Variants in NAV3 observed in about 807,000 individuals in gnomAD.
NAV3 encodes the protein pore membrane and/or filament interacting like protein 1.
NAV3 carries 87 observed loss-of-function variants against 244.7 expected under a neutral mutation model. That is an observed-to-expected ratio of 0.36 (90% confidence interval 0.30 to 0.42). NAV3 has a LOEUF of 0.42. Ranked by LOEUF, NAV3 falls within the 20% of genes least tolerant of loss-of-function variation. NAV3 has a pLI of 1.00. For synonymous variants in NAV3, 1,126 were observed against 1,042.2 expected (o/e 1.08, Z -1.55); for missense variants, 2,663 against 2,893.3 (o/e 0.92, Z 1.83).
At chr12:77,651,964 C>T (rs757280538) in intron 2 of NAV3, among the ~76,000 whole-genome samples, 1 of 152,024 alleles carries the variant, frequency 6.6e-6, no homozygotes, top group African/African-American at 2.4e-5. Context: ...GTGGGAAAAG[C>T]GGAGCTTTCA....
intron 1 of NAV3, among the ~76,000 whole-genome samples, chr12:77,843,270 C>T (rs1876011829): frequency 6.6e-6 from 1 of 152,048 alleles, no homozygotes; most frequent in Non-Finnish European, 1.5e-5. Flanking sequence ...CTATTGTCTT[C>T]TGATTCCAGC....
At chr12:77,612,156 C>A (rs889808332) in intron 2 of NAV3, among the ~76,000 whole-genome samples, 1 of 151,794 alleles carries the variant, frequency 6.6e-6, no homozygotes, top group African/African-American at 2.4e-5. Context: ...TAAAGTATGG[C>A]ATAATTGTTG....
chr12:78,033,238 C>T (rs770122), intron 9 of NAV3, among the ~76,000 whole-genome samples: 77,694 of 148,466 alleles, frequency 0.52, 20,270 homozygotes, highest in Non-Finnish European at 0.53. Flanking sequence ...TGAAATTGCC[C>T]TTTTTTTTTT....
At chr12:78,036,629 T>G (rs1879930237) in intron 9 of NAV3, 2 of 394,662 alleles carry the variant, frequency 5.1e-6, no homozygotes, top group Non-Finnish European at 9.2e-6. Context: ...CTTTTCTGCT[T>G]CAGATATATT....
intron 2 of NAV3, among the ~76,000 whole-genome samples, chr12:77,606,794 A>G (rs1459784730): frequency 6.6e-6 from 1 of 152,092 alleles, no homozygotes; most frequent in African/African-American, 2.4e-5. Flanking sequence ...CCCTTAAGGG[A>G]GCAAAATGGC....
chr12:77,803,016 C>A (rs1349643127), intron 2 of NAV3, among the ~76,000 whole-genome samples: 1 of 152,136 alleles, frequency 6.6e-6, no homozygotes, highest in African/African-American at 2.4e-5. Flanking sequence ...AAGGGAACAT[C>A]TATTATATGA....
At position 77,998,489 on chromosome 12, in the gene NAV3, T is replaced by A. The variant is rs776718075; in HGVS notation, c.880+13T>A. On this transcript the variant is annotated intron_variant, in intron 7 of 39. Coordinates refer to ENST00000397909, the MANE Select transcript of NAV3 (RefSeq NM_001024383.2). ...GGAAACGAAAAAGGTAAGTGTTTGT[T>A]ACATCATTATGACACAAGTCCAACA... The A allele has an allele frequency of 6.3e-7, 1 of 1,591,296 alleles. No homozygotes were observed. The highest frequency in any genetic ancestry group is 8.5e-7 in the Non-Finnish European group (1 of 1,170,968).
intron 2 of NAV3, among the ~76,000 whole-genome samples, chr12:77,768,273 C>A (rs2135865621): frequency 6.6e-6 from 1 of 152,346 alleles, no homozygotes; most frequent in Middle Eastern, 3.4e-3. Context: ...GAGTGCCAGG[C>A]TACCAGGCTT....
intron 9 of NAV3, among the ~76,000 whole-genome samples, chr12:78,047,015 T>C (rs1157896778): frequency 6.6e-6 from 1 of 152,210 alleles, no homozygotes; most frequent in African/African-American, 2.4e-5. Flanking sequence ...TTATATTTGC[T>C]GGTTTAAAGT....
intron 2 of NAV3, among the ~76,000 whole-genome samples, chr12:77,770,176 T>A (rs201862616): frequency 6.6e-6 from 1 of 152,068 alleles, no homozygotes; most frequent in East Asian, 1.9e-4. Context: ...GTTAAAATCC[T>A]AGGGGGAGTT....
At chr12:77,622,107 A>G (rs986874349) in intron 2 of NAV3, among the ~76,000 whole-genome samples, 26 of 152,240 alleles carry the variant, frequency 1.7e-4, no homozygotes, top group African/African-American at 6.0e-4. Context: ...AGAAAATTGA[A>G]TAGAAAAGGC....
chr12:77,657,583 G>A (rs866327655), intron 2 of NAV3, among the ~76,000 whole-genome samples: 4 of 152,066 alleles, frequency 2.6e-5, no homozygotes, highest in African/African-American at 4.8e-5. Context: ...TAGAAAAAGA[G>A]GGAATCCTCC....
intron 2 of NAV3, among the ~76,000 whole-genome samples, chr12:77,819,623 G>A (rs1466283877): frequency 3.3e-5 from 5 of 151,938 alleles, no homozygotes; most frequent in Admixed American, 2.6e-4. Context: ...AAGCATTGAG[G>A]AGGGGATTAA....
chr12:78,028,549 A>T (rs879752600), intron 9 of NAV3, among the ~76,000 whole-genome samples: 34 of 152,326 alleles, frequency 2.2e-4, no homozygotes, highest in Admixed American at 1.0e-3. Context: ...GGAGTAACTG[A>T]GATTGGATGT....
intron 2 of NAV3, among the ~76,000 whole-genome samples, chr12:77,675,323 G>T (rs1874158544): frequency 6.6e-6 from 1 of 152,150 alleles, no homozygotes; most frequent in Admixed American, 6.6e-5. Flanking sequence ...CAAGTCAACA[G>T]TTCTTAGAGT....
At chr12:78,090,092 G>C (rs1417164060) in intron 12 of NAV3, among the ~76,000 whole-genome samples, 1 of 151,524 alleles carries the variant, frequency 6.6e-6, no homozygotes, top group African/African-American at 2.4e-5. Context: ...CTTATCTCCA[G>C]TATGCCCTGC....
intron 1 of NAV3, among the ~76,000 whole-genome samples, chr12:77,928,126 G>A (rs1888396641): frequency 6.6e-6 from 1 of 151,634 alleles, no homozygotes; most frequent in Non-Finnish European, 1.5e-5. Context: ...GGGAGACTGA[G>A]GGGAGGGAAT....
chr12:77,696,273 G>C (rs1285160645), intron 2 of NAV3, among the ~76,000 whole-genome samples: 1 of 152,090 alleles, frequency 6.6e-6, no homozygotes. Flanking sequence ...TCTATGATTA[G>C]GTTACATAAG....
At chr12:78,094,874 C>A in intron 12 of NAV3, among the ~76,000 whole-genome samples, 1 of 151,574 alleles carries the variant, frequency 6.6e-6, no homozygotes, top group South Asian at 2.1e-4. Flanking sequence ...TGGTGAAACC[C>A]CGTCTCTACT....
Sources: gnomAD v4.1 joint callset for allele counts (sites outside exome capture counted in the v4.1 genomes callset) on GRCh38, gnomAD v4.1.1 for gene constraint, MANE v1.5 for transcripts, NCBI Gene and HGNC (gene_info 2026-07-23, HGNC 2026-07-21) for gene names.